Variants in ADNP2 observed in about 807,000 individuals in gnomAD.
The protein encoded by ADNP2 is activity-dependent neuroprotector homeobox protein 2.
Under a neutral mutation model 16.4 loss-of-function variants are expected in ADNP2, and 8 were observed. That is an observed-to-expected ratio of 0.49 (90% CI 0.29 to 0.88). The LOEUF (loss-of-function observed/expected upper bound fraction) is 0.88, where lower values mean the gene tolerates loss of function less well. Ranked by LOEUF, ADNP2 falls within the 40% of genes least tolerant of loss-of-function variation. The pLI, the probability that ADNP2 is intolerant of heterozygous loss-of-function variation, is 0.09. For missense variants in ADNP2, 1,397 were observed against 1,395.1 expected, an observed-to-expected ratio of 1.00 and a Z score of -0.02; for synonymous variants, 637 against 545.8, an observed-to-expected ratio of 1.17 and a Z score of -2.33.
intron 2 of ADNP2, among the ~76,000 whole-genome samples, chr18:80,131,424 A>G (rs963248368): frequency 1.3e-5 from 2 of 152,202 alleles, no homozygotes; most frequent in African/African-American, 2.4e-5. Flanking sequence ...AAAATCCTCT[A>G]TACGTTCTAG....
Position 80,136,217 on chromosome 18 carries a change from A to G in ADNP2, c.804A>G (p.Pro268=). ...TGLLKQTHIA[P]KPAAHLAAPA... ...TCTTGAAGCAAACGCACATTGCTCC[A>G]AAACCAGCAGCACATTTGGCTGCAC... The change falls in exon 4 of 4, where the codon CCA becomes CCG. Residue 268 remains proline (P), a synonymous_variant. Transcript: ENST00000262198. 6.2e-7 allele frequency: 1 copy of G among 1,614,150 alleles called. No individual in the cohort carries two copies. The highest frequency in any genetic ancestry group is 2.2e-5 in the East Asian group (1 of 44,902).
Position 80,139,731 on chromosome 18 carries a change from C to T in ADNP2, c.*922C>T, listed in dbSNP as rs1423242141. Reference sequence around the variant, plus strand: ...TGATACTCAGGAATAAGATTATTGCCCCTGAGTGTGAAAACTAACTTAAAT... The same window carrying T: ...TGATACTCAGGAATAAGATTATTGCTCCTGAGTGTGAAAACTAACTTAAAT... On this transcript the variant is annotated 3_prime_UTR_variant, in exon 4 of 4. Transcript: ENST00000262198. The T allele has an allele frequency of 6.6e-6, 1 of 152,338 alleles. No homozygotes were observed. Among genetic ancestry groups the T allele is most frequent in the Admixed American group, 6.6e-5 (1 of 15,254 alleles). The allele number at this position is 152,338 out of a possible 1,614,324, so 9.4% of individuals were successfully genotyped here. A position where few individuals can be genotyped will look rare whatever the true frequency, so the allele number is the denominator to read the frequency against.
chr18:80,111,880 A>G (rs1425597668), intron 1 of ADNP2, among the ~76,000 whole-genome samples: 3 of 152,016 alleles, frequency 2.0e-5, no homozygotes, highest in Non-Finnish European at 4.4e-5. Flanking sequence ...TTTTTCTATA[A>G]TAGAATATCC....
intron 2 of ADNP2, among the ~76,000 whole-genome samples, chr18:80,129,728 A>G (rs1423691769): frequency 2.6e-5 from 4 of 152,218 alleles, no homozygotes; most frequent in Non-Finnish European, 5.9e-5. Context: ...TGTTGCTTCA[A>G]TACAATAGAT....
At chr18:80,132,963 C>T in intron 2 of ADNP2, 140 bp from the exon 3 acceptor site, 1 of 642,966 alleles carries the variant, frequency 1.6e-6, no homozygotes, top group Non-Finnish European at 2.7e-6. Flanking sequence ...TCAAGTGATC[C>T]ACCCTCCTCA....
chr18:80,122,615 G>T (rs1411949970), intron 2 of ADNP2, among the ~76,000 whole-genome samples: 4 of 152,174 alleles, frequency 2.6e-5, no homozygotes, highest in African/African-American at 4.8e-5. Context: ...ATAATTTCCT[G>T]TTCAGATTTT....
intron 2 of ADNP2, among the ~76,000 whole-genome samples, chr18:80,119,424 A>G (rs549253618): frequency 6.3e-4 from 96 of 152,142 alleles, no homozygotes; most frequent in African/African-American, 2.1e-3. Context: ...AAAAAAAAAA[A>G]AAAAAAAAAT....
intron 2 of ADNP2, among the ~76,000 whole-genome samples, chr18:80,129,364 A>C (rs1407645419): frequency 6.6e-6 from 1 of 152,078 alleles, no homozygotes; most frequent in Non-Finnish European, 1.5e-5. Context: ...CAGCCTCCCA[A>C]AGTGCTGGGA....
chr18:80,127,596 C>T (rs368727950), intron 2 of ADNP2, among the ~76,000 whole-genome samples: 2 of 152,128 alleles, frequency 1.3e-5, no homozygotes, highest in East Asian at 1.9e-4. Context: ...CTTTGTATGA[C>T]TGGAAGTTTT....
chr18:80,121,970 G>A (rs1261010503), intron 2 of ADNP2, among the ~76,000 whole-genome samples: 1 of 151,944 alleles, frequency 6.6e-6, no homozygotes, highest in Non-Finnish European at 1.5e-5. Context: ...CGGTTGGAGT[G>A]CAGTGACATG....
intron 1 of ADNP2, among the ~76,000 whole-genome samples, chr18:80,114,205 AG>A (rs1490787519): frequency 4.0e-5 from 6 of 151,690 alleles, no homozygotes; most frequent in Non-Finnish European, 5.9e-5. Context: ...AAAAAAAAAA[AG>A]AAAAAAAAGA....
chr18:80,115,754 T>C (rs1599804097), intron 1 of ADNP2, among the ~76,000 whole-genome samples: 1 of 152,154 alleles, frequency 6.6e-6, no homozygotes, highest in South Asian at 2.1e-4. Flanking sequence ...TTCCCAGTTC[T>C]CCCAGCCCTG....
intron 2 of ADNP2, among the ~76,000 whole-genome samples, chr18:80,131,116 G>A (rs2052493292): frequency 6.6e-6 from 1 of 152,212 alleles, no homozygotes; most frequent in Non-Finnish European, 1.5e-5. Context: ...GCTGCCAGCA[G>A]GCTTTGGAAG....
In ADNP2 at chr18:80,109,339, G is replaced by T. The variant is rs544937314; in HGVS notation, c.-147G>T. The T allele has an allele frequency of 3.3e-5, 5 of 150,380 alleles. No homozygotes were observed. Among genetic ancestry groups the T allele is most frequent in the African/African-American group, 1.2e-4 (5 of 41,292 alleles). 9.3% of individuals were successfully genotyped at this position (150,380 alleles called of 1,614,324 possible). ...GCTGGGGGTGGGCGCGCGCTGAGGCGGGGGTCCCGCCGCGCGGGGCGGAGG... is the reference window on the plus strand; with the variant it reads ...GCTGGGGGTGGGCGCGCGCTGAGGCTGGGGTCCCGCCGCGCGGGGCGGAGG... On this transcript the variant is annotated 5_prime_UTR_variant, in exon 1 of 4. Transcript: ENST00000262198.
At chr18:80,113,393 A>G (rs1443796172) in intron 1 of ADNP2, among the ~76,000 whole-genome samples, 2 of 152,100 alleles carry the variant, frequency 1.3e-5, no homozygotes, top group Non-Finnish European at 2.9e-5. Flanking sequence ...TCCCTATTAT[A>G]TGTTAACCCT....
rs762845054 is a variant in ADNP2 at position 80,136,385 on chromosome 18, T to C, written c.972T>C (p.Pro324=). 3.7e-6 allele frequency: 6 copies of C among 1,614,036 alleles called. No individual in the cohort carries two copies. The highest frequency in any genetic ancestry group is 5.1e-6 in the Non-Finnish European group (6 of 1,180,016). ...CTGGAAGCCTCACTCATTCCCCCCCTGCTGCTGGCCAATCCCACATGACTC... is the reference window on the plus strand; with the variant it reads ...CTGGAAGCCTCACTCATTCCCCCCCCGCTGCTGGCCAATCCCACATGACTC... ...GAPGSLTHSP[P]AAGQSHMTLV... is the part of the protein sequence containing the mutation. Residue 324 remains proline, a synonymous_variant, in exon 4 of 4, where the codon CCT becomes CCC. Transcript: ENST00000262198.
intron 1 of ADNP2, among the ~76,000 whole-genome samples, chr18:80,114,272 A>G (rs1479418027): frequency 6.6e-6 from 1 of 152,064 alleles, no homozygotes; most frequent in Non-Finnish European, 1.5e-5. Flanking sequence ...AAATTTTTCT[A>G]CTTTTACTAC....
chr18:80,117,717 G>C, intron 2 of ADNP2, 67 bp downstream of exon 2: 1 of 1,220,148 alleles, frequency 8.2e-7, no homozygotes, highest in Non-Finnish European at 1.2e-6. Flanking sequence ...TTGAAGAGTG[G>C]GTAAGATTCC....
intron 2 of ADNP2, among the ~76,000 whole-genome samples, chr18:80,127,134 C>A (rs190039154): frequency 1.3e-5 from 2 of 152,102 alleles, no homozygotes; most frequent in African/African-American, 4.8e-5. Context: ...ACTTCCTGTA[C>A]CAAATCTAAT....
Sources: allele counts gnomAD v4.1 joint callset (sites outside exome capture counted in the v4.1 genomes callset), GRCh38; gene constraint gnomAD v4.1.1; transcripts MANE v1.5; gene names NCBI Gene and HGNC (gene_info 2026-07-23, HGNC 2026-07-21).